The following UQCC6 variants were observed in gnomAD, a reference collection of about 807,000 sequenced individuals.
UQCC6 encodes protein BRAWNIN.
chr12:103,955,176 G>A, the UQCC6 span, among the ~76,000 whole-genome samples: 4 of 152,190 alleles, frequency 2.6e-5, no homozygotes, highest in East Asian at 3.9e-4. Flanking sequence ...ACTTAGCCAC[G>A]CATGGTGGTG....
chr12:103,955,682 T>TG, the UQCC6 span: 2 of 428,610 alleles, frequency 4.7e-6, no homozygotes, highest in Non-Finnish European at 9.2e-6. Context: ...GAAACACTAA[T>TG]GGTTGACTCT....
the UQCC6 span, among the ~76,000 whole-genome samples, chr12:103,957,971 AT>A: frequency 2.4e-3 from 342 of 144,974 alleles, 3 homozygotes; most frequent in African/African-American, 7.7e-3. Context: ...TATATTATAT[AT>A]TTTTAATATA....
chr12:103,955,586 T>G, the UQCC6 span: 3 of 352,038 alleles, frequency 8.5e-6, no homozygotes, highest in Non-Finnish European at 1.7e-5. Context: ...GTGAGCTGAT[T>G]GCACCACTGC....
the UQCC6 span, among the ~76,000 whole-genome samples, chr12:103,962,845 A>G: frequency 7.5e-3 from 1,140 of 152,348 alleles, 11 homozygotes; most frequent in African/African-American, 0.026. Context: ...AACTGTTTTC[A>G]GCTCACTCTT....
At chr12:103,961,898 T>A in the UQCC6 span, among the ~76,000 whole-genome samples, 17 of 152,166 alleles carry the variant, frequency 1.1e-4, no homozygotes, top group Non-Finnish European at 1.6e-4. Flanking sequence ...TATGTTTAGA[T>A]ACATACTTAC....
At chr12:103,965,612 CAAGGACAGCACCCT>C in the UQCC6 span, 1 of 187,398 alleles carries the variant, frequency 5.3e-6, no homozygotes, top group African/African-American at 2.3e-5. Context: ...CACAGCACCC[CAAGGACAGCACCCT>C]ATCGCCCACG....
At chr12:103,965,514 AC>A in the UQCC6 span, 1 of 153,202 alleles carries the variant, frequency 6.5e-6, no homozygotes, top group South Asian at 2.1e-4. Flanking sequence ...ACATCTCATT[AC>A]CTGATAATGC....
chr12:103,956,800 C>T, the UQCC6 span: 2 of 1,205,518 alleles, frequency 1.7e-6, no homozygotes, highest in Middle Eastern at 2.0e-4. Context: ...ACGACTACAC[C>T]GCGCCAGGGC....
At chr12:103,962,394 T>C in the UQCC6 span, among the ~76,000 whole-genome samples, 1 of 152,252 alleles carries the variant, frequency 6.6e-6, no homozygotes, top group African/African-American at 2.4e-5. Context: ...TATTTTCTTC[T>C]AGAAATTTTA....
At chr12:103,957,888 T>TA in the UQCC6 span, among the ~76,000 whole-genome samples, 3 of 113,852 alleles carry the variant, frequency 2.6e-5, no homozygotes, top group African/African-American at 4.0e-5. Flanking sequence ...CCATCTCTAC[T>TA]AAAAATATAT....
At chr12:103,953,791 C>T in the UQCC6 span, 1 of 540,056 alleles carries the variant, frequency 1.9e-6, no homozygotes, top group Non-Finnish European at 3.3e-6. Context: ...GTACAGGTAG[C>T]TGCTGTAACA....
the UQCC6 span, among the ~76,000 whole-genome samples, chr12:103,958,014 T>A: frequency 3.4e-5 from 5 of 146,090 alleles, no homozygotes; most frequent in Admixed American, 2.8e-4. Context: ...TATTTATTTT[T>A]AATATATATT....
chr12:103,957,761 G>A, the UQCC6 span, among the ~76,000 whole-genome samples: 1 of 151,604 alleles, frequency 6.6e-6, no homozygotes, highest in Admixed American at 6.6e-5. Context: ...TGCAAGGGCC[G>A]GGGGCGGTGG....
At chr12:103,959,801 C>CTTT in the UQCC6 span, among the ~76,000 whole-genome samples, 2 of 103,564 alleles carry the variant, frequency 1.9e-5, no homozygotes, top group African/African-American at 3.5e-5. Flanking sequence ...TTTATTTTTA[C>CTTT]TTTTTTTTTT....
the UQCC6 span, chr12:103,950,775 T>C: frequency 2.0e-5 from 3 of 152,328 alleles, no homozygotes; most frequent in South Asian, 6.2e-4. Flanking sequence ...TTAATAACCA[T>C]AAAACTGATT....
chr12:103,952,158 AC>A, the UQCC6 span, among the ~76,000 whole-genome samples: 2 of 151,982 alleles, frequency 1.3e-5, no homozygotes, highest in Non-Finnish European at 2.9e-5. Flanking sequence ...CCAAAAAGAA[AC>A]CCCATACTTA....
At chr12:103,954,470 G>A in the UQCC6 span, among the ~76,000 whole-genome samples, 2 of 152,094 alleles carry the variant, frequency 1.3e-5, no homozygotes, top group Non-Finnish European at 2.9e-5. Flanking sequence ...GAGAGGGAGT[G>A]AGAGAGAGAG....
chr12:103,956,487 C>G, the UQCC6 span: 1 of 622,092 alleles, frequency 1.6e-6, no homozygotes. Flanking sequence ...TAATTTCGTT[C>G]AAGATCACTT....
chr12:103,965,359 G>C, the UQCC6 span, among the ~76,000 whole-genome samples: 1 of 152,180 alleles, frequency 6.6e-6, no homozygotes, highest in Non-Finnish European at 1.5e-5. Flanking sequence ...TATATCCAAA[G>C]TAATGCGGAG....
Sources: allele counts gnomAD v4.1 joint callset (sites outside exome capture counted in the v4.1 genomes callset), GRCh38; gene constraint gnomAD v4.1.1; transcripts MANE v1.5; gene names NCBI Gene and HGNC (gene_info 2026-07-23, HGNC 2026-07-21).